CPA3: variants seen among roughly 807,000 people sequenced by gnomAD.
CPA3 encodes the protein carboxypeptidase A3, also known as mast cell carboxypeptidase A.
CPA3 carries 52 observed loss-of-function variants against 55.8 expected under a neutral mutation model. The observed-to-expected ratio is 0.93, with a 90% CI of 0.75 to 1.17. The LOEUF (loss-of-function observed/expected upper bound fraction) is 1.17. Ranked by LOEUF, CPA3 falls within the 50% of genes most tolerant of loss-of-function variation. The probability of loss-of-function intolerance (pLI) is 0.00; values close to 1 mark genes in which losing one functional copy is unlikely to be tolerated. For synonymous variants in CPA3, 179 were observed against 171.2 expected, an observed-to-expected ratio of 1.05 and a Z score of -0.36; for missense variants, 547 against 509.1, an observed-to-expected ratio of 1.07 and a Z score of -0.72.
chr3:148,871,069 T>C (rs921254679), intron 3 of CPA3, among the ~76,000 whole-genome samples: 1 of 152,162 alleles, frequency 6.6e-6, no homozygotes, highest in African/African-American at 2.4e-5. Context: ...TGGCTTTTTT[T>C]TGTATTTTTA....
Position 148,896,952 on chromosome 3 carries a change from C to A in CPA3, c.*245C>A. 1 of 323,184 alleles carries A rather than the reference C, an allele frequency of 3.1e-6. No homozygotes were observed. Among genetic ancestry groups the A allele is most frequent in the Non-Finnish European group, 5.7e-6 (1 of 176,642 alleles). The allele number at this position is 323,184 out of a possible 1,614,324, so 20.0% of individuals were successfully genotyped here. On this transcript the variant is annotated 3_prime_UTR_variant, in exon 11 of 11. Transcript: ENST00000296046. Reference sequence around the variant, plus strand: ...AGTGAAGTTTGGACCCAGCAGAAAGCATTATTTTGAAAGGTGATATACAGT... The same window carrying A: ...AGTGAAGTTTGGACCCAGCAGAAAGAATTATTTTGAAAGGTGATATACAGT...
Position 148,882,556 on chromosome 3 carries a change from G to A in CPA3, c.739G>A (p.Gly247Ser), listed in dbSNP as rs745573726. 40 of 1,613,572 alleles carry A rather than the reference G, an allele frequency of 2.5e-5. No homozygotes were observed. In the South Asian group the frequency reaches 3.3e-4, roughly 13 times the overall value. ...RSKNQNSKCI[G>S]TDLNRNFNAS... ...CAAGAACCAAAACTCCAAATGCATC[G>A]GCACTGACCTCAACAGGAATTTTAA... Residue 247 changes from glycine to serine, a missense_variant, in exon 8 of 11, where the codon GGC becomes AGC. By Grantham distance (56) the Gly-to-Ser change is moderately conservative (BLOSUM62 0). Transcript: ENST00000296046.
At chr3:148,868,433 G>A (rs116746603) in intron 2 of CPA3, among the ~76,000 whole-genome samples, 2,896 of 152,172 alleles carry the variant, frequency 0.019, 89 homozygotes, top group African/African-American at 0.066. Flanking sequence ...AGGACATATT[G>A]CTAGAAAAAT....
chr3:148,883,819 C>T lies in CPA3; in HGVS notation c.981+4C>T, dbSNP rs768836689. The T allele has an allele frequency of 4.3e-6, 7 of 1,610,252 alleles. No homozygotes were observed. The highest frequency in any genetic ancestry group is 1.7e-5 in the Admixed American group (1 of 59,974). ...GCCACCTAACCATGAGGACTTGGTA[C>T]GTAGACAAAAGTTTGCACTTCATGC... is the stretch of plus-strand genomic sequence containing the variant. On this transcript the variant is annotated splice_donor_region_variant and intron_variant, in intron 9 of 10. Coordinates refer to ENST00000296046, the MANE Select transcript of CPA3 (RefSeq NM_001870.4).
intron 10 of CPA3, among the ~76,000 whole-genome samples, chr3:148,894,876 C>T (rs6783906): frequency 0.085 from 12,953 of 152,162 alleles, 700 homozygotes; most frequent in East Asian, 0.24. Context: ...TGATGTTAAA[C>T]GTATCACTTT....
At chr3:148,879,662 A>G in intron 5 of CPA3, 126 bp from the exon 6 acceptor site, 1 of 656,798 alleles carries the variant, frequency 1.5e-6, no homozygotes. Flanking sequence ...ATATGTGCAT[A>G]CATGGTTCTC....
intron 6 of CPA3, among the ~76,000 whole-genome samples, chr3:148,880,394 C>T (rs1714330649): frequency 6.7e-6 from 1 of 149,842 alleles, no homozygotes; most frequent in Non-Finnish European, 1.5e-5. Flanking sequence ...TGCAGTGGTG[C>T]AATCTCGTCT....
At chr3:148,865,412 A>G (rs776508646) in intron 1 of CPA3, 37 bp downstream of exon 1, 7 of 1,613,204 alleles carry the variant, frequency 4.3e-6, no homozygotes, top group Non-Finnish European at 5.9e-6. Flanking sequence ...CTCTGTGTAG[A>G]AGAGAATTAA....
At chr3:148,868,441 A>G (rs1157801437) in intron 2 of CPA3, among the ~76,000 whole-genome samples, 1 of 152,152 alleles carries the variant, frequency 6.6e-6, no homozygotes, top group African/African-American at 2.4e-5. Context: ...TTGCTAGAAA[A>G]ATGACTTTGC....
chr3:148,891,064 T>C (rs1714651896), intron 10 of CPA3, among the ~76,000 whole-genome samples: 1 of 152,162 alleles, frequency 6.6e-6, no homozygotes, highest in African/African-American at 2.4e-5. Flanking sequence ...TGGGCTTGAA[T>C]CCTGATTCGA....
chr3:148,869,761 C>G (rs1199786747), intron 3 of CPA3, among the ~76,000 whole-genome samples: 3 of 152,066 alleles, frequency 2.0e-5, no homozygotes, highest in African/African-American at 7.2e-5. Flanking sequence ...GAGAAGGAAG[C>G]CCAGCAATGA....
At chr3:148,888,046 G>C (rs1171546691) in intron 10 of CPA3, among the ~76,000 whole-genome samples, 2 of 152,064 alleles carry the variant, frequency 1.3e-5, no homozygotes, top group Non-Finnish European at 2.9e-5. Context: ...CACCACCAAA[G>C]ATACACTCAT....
chr3:148,867,948 T>G (rs1372942959), intron 2 of CPA3, among the ~76,000 whole-genome samples: 1 of 152,218 alleles, frequency 6.6e-6, no homozygotes, highest in Non-Finnish European at 1.5e-5. Context: ...CAGGCTGGAG[T>G]GCAATAGCGA....
Position 148,865,883 on chromosome 3 carries a change from C to T in CPA3, c.144+335C>T, listed in dbSNP as rs1713888951. ...CATTCCCTCTCCATTCTCCCCACTC[C>T]GACCCTCATCTCCTCTGGTGCCATA... On this transcript the variant is annotated intron_variant, in intron 2 of 10. Coordinates refer to ENST00000296046, the MANE Select transcript of CPA3 (RefSeq NM_001870.4). Among the ~76,000 whole-genome samples, 4 of 152,246 alleles carry T rather than the reference C, an allele frequency of 2.6e-5. 1 individual carries two copies. In the South Asian group the frequency reaches 6.2e-4, roughly 24 times the overall value.
At chr3:148,874,710 G>A (rs1714163211) in intron 3 of CPA3, among the ~76,000 whole-genome samples, 2 of 152,194 alleles carry the variant, frequency 1.3e-5, no homozygotes, top group East Asian at 1.9e-4. Context: ...CAGCGTTTGT[G>A]TTCCACATCA....
At chr3:148,885,406 C>CTTTTT (rs10712598) in intron 9 of CPA3, among the ~76,000 whole-genome samples, 1 of 88,354 alleles carries the variant, frequency 1.1e-5, no homozygotes, top group Non-Finnish European at 2.1e-5. Flanking sequence ...ATATTTAAGT[C>CTTTTT]TTTTTTTTTT....
chr3:148,872,280 C>T (rs1291773510), intron 3 of CPA3, among the ~76,000 whole-genome samples: 1 of 152,160 alleles, frequency 6.6e-6, no homozygotes, highest in Non-Finnish European at 1.5e-5. Flanking sequence ...GACTGAGCCT[C>T]TGGGGCAGAC....
rs977803874 is a variant in CPA3, at chr3:148,878,334, T to G, written c.270-107T>G. The G allele has an allele frequency of 1.3e-5, 11 of 821,704 alleles. No homozygotes were observed. The Admixed American group carries it at 1.9e-4, about 14-fold the overall frequency. The allele number at this position is 821,704 out of a possible 1,614,324, so 50.9% of individuals were successfully genotyped here. On this transcript the variant is annotated intron_variant, in intron 3 of 10. Coordinates refer to ENST00000296046, the MANE Select transcript of CPA3 (RefSeq NM_001870.4). Reference sequence around the variant, plus strand: ...AGAATAATGAAGAAACAGAGCAAACTTGATTAAAGATAAAGGAGAAGGAAG... The same window carrying G: ...AGAATAATGAAGAAACAGAGCAAACGTGATTAAAGATAAAGGAGAAGGAAG...
At chr3:148,882,425 C>G in intron 7 of CPA3, 80 bp from the exon 8 acceptor site, 1 of 1,160,880 alleles carries the variant, frequency 8.6e-7, no homozygotes, top group Non-Finnish European at 1.3e-6. Flanking sequence ...TTGCAGACAC[C>G]TGCAGAGAGA....
Sources: gnomAD v4.1 joint callset for allele counts (sites outside exome capture counted in the v4.1 genomes callset) on GRCh38, gnomAD v4.1.1 for gene constraint, MANE v1.5 for transcripts, NCBI Gene and HGNC (gene_info 2026-07-23, HGNC 2026-07-21) for gene names.